NSL1: variants seen among roughly 807,000 people sequenced by gnomAD.
The protein encoded by NSL1 is kinetochore-associated protein NSL1 homolog.
NSL1 carries 11 observed loss-of-function variants against 25.4 expected under a neutral mutation model. That is an observed-to-expected ratio of 0.43 (90% CI 0.27 to 0.72). The LOEUF is 0.72. NSL1 is among the 30% of genes least tolerant of loss of function. The pLI, the probability that NSL1 is intolerant of heterozygous loss-of-function variation, is 0.19. For missense variants in NSL1, 330 were observed against 342.7 expected (o/e 0.96, Z 0.29); for synonymous variants, 118 against 120.6 (o/e 0.98, Z 0.14).
intron 4 of NSL1, among the ~76,000 whole-genome samples, chr1:212,774,562 A>G (rs1398154952): frequency 6.6e-6 from 1 of 152,194 alleles, no homozygotes; most frequent in Non-Finnish European, 1.5e-5. Flanking sequence ...AGATATACAG[A>G]TGGCCAATAA....
Position 212,737,299 on chromosome 1 carries a change from A to G in NSL1, c.*1109T>C, listed in dbSNP as rs1250253133. On this transcript the variant is annotated 3_prime_UTR_variant, in exon 6 of 6. Transcript: ENST00000366977. ...CTTCACTGAGACAGACCTTCTGGTG[A>G]CTTCTGGTGAATCTAGACATTTATG... The G allele has an allele frequency of 1.5e-5, 15 of 985,178 alleles. No individual in the cohort carries two copies. Among genetic ancestry groups the G allele is most frequent in the Middle Eastern group, 5.2e-4 (1 of 1,936 alleles). 61.0% of individuals were successfully genotyped at this position (985,178 alleles called of 1,614,324 possible). A position where few individuals can be genotyped will look rare whatever the true frequency, so the allele number is the denominator to read the frequency against.
chr1:212,730,282 C>T lies in NSL1; in HGVS notation c.*8126G>A, dbSNP rs1657965708. ...AAAAAAAAAGAAATGCGCCAAGTCT[C>T]AGGTATTTATGGACTGGTGAAGAGT... On this transcript the variant is annotated 3_prime_UTR_variant, in exon 6 of 6. Coordinates refer to ENST00000366977, the MANE Select transcript of NSL1 (RefSeq NM_015471.4). 2.6e-6 allele frequency: 2 copies of T among 778,394 alleles called. No individual in the cohort carries two copies. Among genetic ancestry groups the T allele is most frequent in the African/African-American group, 2.0e-5 (1 of 51,016 alleles). The allele number at this position is 778,394 out of a possible 1,614,324, so 48.2% of individuals were successfully genotyped here. A position where few individuals can be genotyped will look rare whatever the true frequency, so the allele number is the denominator to read the frequency against.
chr1:212,762,708 G>A (rs113975466), intron 4 of NSL1, among the ~76,000 whole-genome samples: 3,046 of 152,252 alleles, frequency 0.02, 116 homozygotes, highest in African/African-American at 0.07. Flanking sequence ...CAGACCATGG[G>A]AGAAAGCCTT....
rs544476891 is a variant in NSL1 at position 212,730,412 on chromosome 1, A to G, written c.*7996T>C. 1 of 985,336 alleles carries G rather than the reference A, an allele frequency of 1.0e-6. No homozygotes were observed. Among genetic ancestry groups the G allele is most frequent in the Admixed American group, 6.1e-5 (1 of 16,280 alleles). The allele number at this position is 985,336 out of a possible 1,614,324, so 61.0% of individuals were successfully genotyped here. On this transcript the variant is annotated 3_prime_UTR_variant, in exon 6 of 6. Transcript: ENST00000366977. The stretch of plus-strand genomic sequence containing the variant: ...AGATGTGGGCCACAGAGCTACATGA[A>G]TGGGCACCAAGGGAGGTCTTAAAAT...
intron 1 of NSL1, among the ~76,000 whole-genome samples, chr1:212,789,492 G>T (rs983542412): frequency 1.3e-5 from 2 of 152,336 alleles, no homozygotes; most frequent in East Asian, 3.9e-4. Context: ...GATTACAGGC[G>T]TAAGCCATCG....
At position 212,737,221 on chromosome 1, in the gene NSL1, C is replaced by T. The variant is rs908757290; in HGVS notation, c.*1187G>A. On this transcript the variant is annotated 3_prime_UTR_variant, in exon 6 of 6. Coordinates refer to ENST00000366977, the MANE Select transcript of NSL1 (RefSeq NM_015471.4). ...CATAGCTGTGTACAAATATACAGAT[C>T]TCAAACTGTAACACTGAAACACAAA... The T allele has an allele frequency of 3.0e-6, 3 of 985,292 alleles. No individual in the cohort carries two copies. In the African/African-American group the frequency reaches 5.2e-5, roughly 17 times the overall value. The allele number at this position is 985,292 out of a possible 1,614,324, so 61.0% of individuals were successfully genotyped here.
At chr1:212,787,686 T>C (rs574058875) in intron 1 of NSL1, 49 bp from the exon 2 acceptor site, 3 of 1,325,752 alleles carry the variant, frequency 2.3e-6, no homozygotes, top group South Asian at 1.3e-5. Flanking sequence ...TTTTAAATAC[T>C]AAATTCAAAC....
chr1:212,780,474 T>TGG (rs1660678252), intron 4 of NSL1, among the ~76,000 whole-genome samples: 1 of 132,174 alleles, frequency 7.6e-6, no homozygotes, highest in African/African-American at 3.0e-5. Context: ...AATCCCCCTC[T>TGG]GTGAGAAACA....
chr1:212,743,694 A>C (rs1658614669), intron 4 of NSL1, among the ~76,000 whole-genome samples: 2 of 152,204 alleles, frequency 1.3e-5, no homozygotes, highest in African/African-American at 4.8e-5. Flanking sequence ...AAAAGCTGGC[A>C]AAATCTGTCA....
chr1:212,738,567 A>G lies in NSL1; in HGVS notation c.687T>C (p.Asp229=), dbSNP rs894494620. The G allele has an allele frequency of 6.2e-6, 10 of 1,614,002 alleles. No homozygotes were observed. The highest frequency in any genetic ancestry group is 1.1e-5 in the South Asian group (1 of 91,084). ...EVFSSCHRKP[D]AKPENFITQI... ...GTGTTATAAAGTTCTCAGGTTTAGC[A>G]TCTGGTTTCCTATGACAACTGGAAA... Residue 229 remains aspartate (D), a synonymous_variant, in exon 6 of 6, where the codon GAT becomes GAC. Coordinates refer to ENST00000366977, the MANE Select transcript of NSL1 (RefSeq NM_015471.4).
At chr1:212,749,346 T>G (rs900006092) in intron 4 of NSL1, among the ~76,000 whole-genome samples, 1 of 142,826 alleles carries the variant, frequency 7.0e-6, no homozygotes, top group Non-Finnish European at 1.5e-5. Flanking sequence ...TGTGTTTTTT[T>G]TTTTTTTTTT....
chr1:212,789,113 A>C (rs747131805), intron 1 of NSL1, among the ~76,000 whole-genome samples: 37 of 152,264 alleles, frequency 2.4e-4, no homozygotes, highest in Non-Finnish European at 4.9e-4. Context: ...ATAATTAAAA[A>C]TAACATAAAC....
chr1:212,728,499 C>G lies in NSL1; in HGVS notation c.*9909G>C. 3 of 985,388 alleles carry G rather than the reference C, an allele frequency of 3.0e-6. No individual in the cohort carries two copies. Among genetic ancestry groups the G allele is most frequent in the Non-Finnish European group, 3.6e-6 (3 of 829,936 alleles). 61.0% of individuals were successfully genotyped at this position (985,388 alleles called of 1,614,324 possible). On this transcript the variant is annotated 3_prime_UTR_variant, in exon 6 of 6. Transcript: ENST00000366977. ...ACCAAGAGTAGATGAATTGTGAGCT[C>G]ATATAGCTGGAACAAATCTGACATT...
In NSL1 at chr1:212,728,713, T is replaced by A. The variant is rs1213068427; in HGVS notation, c.*9695A>T. On this transcript the variant is annotated 3_prime_UTR_variant, in exon 6 of 6. Transcript: ENST00000366977. ...TGAGATCTCTGGAGAATGGAACACC[T>A]TCACAGACAACATCAGGGATAAACC... 1 of 985,440 alleles carries A rather than the reference T, an allele frequency of 1.0e-6. No homozygotes were observed. Among genetic ancestry groups the A allele is most frequent in the South Asian group, 4.7e-5 (1 of 21,282 alleles). 61.0% of individuals were successfully genotyped at this position (985,440 alleles called of 1,614,324 possible).
intron 4 of NSL1, among the ~76,000 whole-genome samples, chr1:212,756,653 C>G (rs1295662015): frequency 1.3e-5 from 2 of 151,994 alleles, no homozygotes; most frequent in South Asian, 4.1e-4. Context: ...AACCTTGTCT[C>G]TATTAAATAT....
intron 4 of NSL1, among the ~76,000 whole-genome samples, chr1:212,769,332 A>G (rs1043772164): frequency 1.3e-5 from 2 of 152,176 alleles, no homozygotes; most frequent in Non-Finnish European, 2.9e-5. Context: ...AACTATCAAA[A>G]GGCAAAGAAA....
intron 4 of NSL1, among the ~76,000 whole-genome samples, chr1:212,770,055 G>C (rs1660030384): frequency 6.6e-6 from 1 of 152,098 alleles, no homozygotes; most frequent in African/African-American, 2.4e-5. Flanking sequence ...GCTATACTTA[G>C]ATCAAAGAGA....
intron 5 of NSL1, among the ~76,000 whole-genome samples, 191 bp downstream of exon 5, chr1:212,739,343 C>T (rs1156248037): frequency 1.3e-5 from 2 of 152,110 alleles, no homozygotes; most frequent in African/African-American, 4.8e-5. Context: ...TATTACCTGG[C>T]ACATAGTAGG....
intron 4 of NSL1, among the ~76,000 whole-genome samples, chr1:212,756,228 T>G (rs900129113): frequency 6.6e-6 from 1 of 152,076 alleles, no homozygotes; most frequent in Non-Finnish European, 1.5e-5. Flanking sequence ...CAAATGATCC[T>G]CCCTCTGCAG....
Sources: gnomAD v4.1 joint callset for allele counts (sites outside exome capture counted in the v4.1 genomes callset) on GRCh38, gnomAD v4.1.1 for gene constraint, MANE v1.5 for transcripts, NCBI Gene and HGNC (gene_info 2026-07-23, HGNC 2026-07-21) for gene names.